Variants in RBFOX1 observed in about 807,000 individuals in gnomAD.
RBFOX1 encodes the protein RNA binding fox-1 homolog 1, also known as RNA binding protein fox-1 homolog 1.
A neutral mutation model predicts 57.7 loss-of-function variants in RBFOX1; 8 were observed. That is an observed-to-expected ratio of 0.14 (90% CI 0.08 to 0.25). RBFOX1 has a LOEUF of 0.25. Ranked by LOEUF, RBFOX1 falls within the 10% of genes least tolerant of loss-of-function variation. The pLI, the probability that RBFOX1 is intolerant of heterozygous loss-of-function variation, is 1.00. For synonymous variants in RBFOX1, 326 were observed against 222.4 expected (o/e 1.47, Z -4.15); for missense variants, 611 against 548.5 (o/e 1.11, Z -1.14).
intron 1 of RBFOX1, among the ~76,000 whole-genome samples, chr16:5,449,855 A>T (rs1001709021): frequency 2.0e-5 from 3 of 151,924 alleles, no homozygotes; most frequent in African/African-American, 7.3e-5. Context: ...TGATCGTCCC[A>T]CCTCAGCCTC....
At chr16:6,921,899 G>A (rs963673257) in intron 3 of RBFOX1, among the ~76,000 whole-genome samples, 1 of 152,018 alleles carries the variant, frequency 6.6e-6, no homozygotes, top group Non-Finnish European at 1.5e-5. Context: ...ATTATGCAAG[G>A]GTGAGAACAC....
At chr16:6,022,761 G>T (rs1285337331) in intron 1 of RBFOX1, among the ~76,000 whole-genome samples, 2 of 152,172 alleles carry the variant, frequency 1.3e-5, no homozygotes, top group Non-Finnish European at 2.9e-5. Flanking sequence ...GTATTTAATT[G>T]TATAAACATA....
At chr16:7,592,158 A>G (rs73488664) in intron 7 of RBFOX1, among the ~76,000 whole-genome samples, 1 of 152,032 alleles carries the variant, frequency 6.6e-6, no homozygotes, top group African/African-American at 2.4e-5. Context: ...TCAAATCTCA[A>G]CTCTAAATGA....
chr16:6,793,232 A>G (rs1373477480), intron 3 of RBFOX1, among the ~76,000 whole-genome samples: 1 of 152,188 alleles, frequency 6.6e-6, no homozygotes, highest in Non-Finnish European at 1.5e-5. Flanking sequence ...TGTTAATTTT[A>G]AGAACATTCC....
intron 3 of RBFOX1, among the ~76,000 whole-genome samples, chr16:6,862,482 G>C (rs1309125203): frequency 6.6e-6 from 1 of 152,212 alleles, no homozygotes; most frequent in Admixed American, 6.5e-5. Context: ...AGTTACCTAG[G>C]AAAAGGAGCA....
At chr16:7,663,504 C>T (rs919881562) in intron 12 of RBFOX1, among the ~76,000 whole-genome samples, 11 of 148,956 alleles carry the variant, frequency 7.4e-5, no homozygotes, top group East Asian at 6.0e-4. Context: ...GTCAGTACAG[C>T]GTGTGTGTGT....
intron 4 of RBFOX1, among the ~76,000 whole-genome samples, chr16:7,179,462 T>C (rs374448701): frequency 1.3e-5 from 2 of 152,172 alleles, no homozygotes; most frequent in East Asian, 1.9e-4. Context: ...TTGAACTGAT[T>C]TACGGTTCAC....
chr16:6,634,680 A>C (rs2098416734), intron 2 of RBFOX1, among the ~76,000 whole-genome samples: 1 of 144,334 alleles, frequency 6.9e-6, no homozygotes, highest in Admixed American at 7.0e-5. Flanking sequence ...GTAAATATGT[A>C]CATATATAAT....
At chr16:5,800,045 A>T (rs975959827) in intron 3 of RBFOX1, among the ~76,000 whole-genome samples, 2 of 151,936 alleles carry the variant, frequency 1.3e-5, no homozygotes, top group East Asian at 1.9e-4. Flanking sequence ...CCTATTTTTT[A>T]TATATATATG....
intron 3 of RBFOX1, among the ~76,000 whole-genome samples, chr16:6,881,746 C>G (rs756250550): frequency 6.6e-6 from 1 of 152,178 alleles, no homozygotes; most frequent in African/African-American, 2.4e-5. Context: ...GGGTGCCTAC[C>G]ATGAGCCAGG....
chr16:7,679,619 C>G (rs1039516736), intron 14 of RBFOX1, among the ~76,000 whole-genome samples: 1 of 152,078 alleles, frequency 6.6e-6, no homozygotes, highest in African/African-American at 2.4e-5. Flanking sequence ...TTTTTCAGCA[C>G]AAATTAAGCC....
chr16:6,265,314 T>A (rs1017961776), intron 1 of RBFOX1, among the ~76,000 whole-genome samples: 2 of 151,994 alleles, frequency 1.3e-5, no homozygotes, highest in African/African-American at 4.8e-5. Context: ...TAGGCTGGAG[T>A]GCAGTGGTGC....
chr16:6,639,904 C>CA (rs930763459), intron 2 of RBFOX1, among the ~76,000 whole-genome samples: 2 of 151,724 alleles, frequency 1.3e-5, no homozygotes, highest in Non-Finnish European at 2.9e-5. Context: ...AAAACAAAAC[C>CA]AAAAAAACAA....
At chr16:7,560,571 C>T (rs776894741) in intron 5 of RBFOX1, among the ~76,000 whole-genome samples, 2 of 151,230 alleles carry the variant, frequency 1.3e-5, no homozygotes, top group Non-Finnish European at 2.9e-5. Flanking sequence ...TTGGAACAGC[C>T]AAAGCGTGTC....
At position 5,398,066 on chromosome 16, in the gene RBFOX1, G is replaced by A. The variant is rs528481682; in HGVS notation, c.220-69150G>A. Among the ~76,000 whole-genome samples, 36 of 132,612 alleles carry A rather than the reference G, an allele frequency of 2.7e-4. 1 individual carries two copies. In the East Asian group the frequency reaches 6.4e-3, roughly 23 times the overall value. 87.0% of individuals were successfully genotyped at this position (132,612 alleles called of 152,430 possible). ...TGGTGCTGCAAAGAAAAACCACACG[G>A]GGCTGTGAGAGGTTATAACTGAGAT... On this transcript the variant is annotated intron_variant, in intron 1 of 2. Coordinates refer to the RBFOX1 transcript ENST00000585867.
intron 3 of RBFOX1, among the ~76,000 whole-genome samples, chr16:6,710,292 A>G (rs761278415): frequency 6.6e-6 from 1 of 152,232 alleles, no homozygotes; most frequent in Non-Finnish European, 1.5e-5. Context: ...TTAAAGCTGC[A>G]TATGTACTTT....
At chr16:6,043,626 G>A (rs937272025) in intron 1 of RBFOX1, among the ~76,000 whole-genome samples, 2 of 152,210 alleles carry the variant, frequency 1.3e-5, no homozygotes, top group African/African-American at 4.8e-5. Context: ...TCATGTTTCA[G>A]GTTTCCCTTG....
chr16:7,205,433 G>C (rs183608427), intron 4 of RBFOX1, among the ~76,000 whole-genome samples: 1 of 151,448 alleles, frequency 6.6e-6, no homozygotes, highest in Non-Finnish European at 1.5e-5. Context: ...CAGGAGAATG[G>C]CTTGAACCCA....
At chr16:7,707,283 C>T (rs1380923645) in intron 14 of RBFOX1, among the ~76,000 whole-genome samples, 3 of 152,086 alleles carry the variant, frequency 2.0e-5, no homozygotes, top group Non-Finnish European at 4.4e-5. Context: ...TGAGAAGGTC[C>T]ATCATCACGC....
Sources: gnomAD v4.1 joint callset for allele counts (sites outside exome capture counted in the v4.1 genomes callset) on GRCh38, gnomAD v4.1.1 for gene constraint, MANE v1.5 for transcripts, NCBI Gene and HGNC (gene_info 2026-07-23, HGNC 2026-07-21) for gene names.